The following DLC1 variants were observed in gnomAD, a reference collection of about 807,000 sequenced individuals.
DLC1 encodes the protein DLC1 Rho GTPase activating protein.
A neutral mutation model predicts 140.3 loss-of-function variants in DLC1; 54 were observed. That is an observed-to-expected ratio of 0.38 (90% CI 0.31 to 0.48). DLC1 has a LOEUF of 0.48. Among genes scored for constraint, DLC1 ranks in the 20% least tolerant of loss-of-function variants. The pLI is 0.96. For missense variants in DLC1, 2,536 were observed against 1,907.0 expected (o/e 1.33, Z -6.14); for synonymous variants, 986 against 728.1 (o/e 1.35, Z -5.70).
At chr8:13,364,116 A>T (rs1298292507) in intron 4 of DLC1, among the ~76,000 whole-genome samples, 1 of 152,146 alleles carries the variant, frequency 6.6e-6, no homozygotes, top group Non-Finnish European at 1.5e-5. Context: ...GAAAGAGAGA[A>T]AGGAGTTCAA....
At chr8:13,347,572 T>C (rs1834408840) in intron 4 of DLC1, among the ~76,000 whole-genome samples, 1 of 152,100 alleles carries the variant, frequency 6.6e-6, no homozygotes, top group African/African-American at 2.4e-5. Context: ...TTGAATTAGT[T>C]TGAGGGTTAG....
At chr8:13,152,635 CAATAATAAT>C (rs3065360) in intron 5 of DLC1, among the ~76,000 whole-genome samples, 2 of 150,736 alleles carry the variant, frequency 1.3e-5, no homozygotes, top group African/African-American at 2.4e-5. Flanking sequence ...CCACCTCTAC[CAATAATAAT>C]AATAATAATA....
intron 1 of DLC1, among the ~76,000 whole-genome samples, chr8:13,595,786 A>G (rs1243157279): frequency 1.3e-5 from 2 of 152,082 alleles, no homozygotes; most frequent in Non-Finnish European, 2.9e-5. Context: ...CTTAAAGAAC[A>G]TCTTTAAATA....
At chr8:13,304,007 G>T (rs1378173522) in intron 5 of DLC1, among the ~76,000 whole-genome samples, 2 of 151,966 alleles carry the variant, frequency 1.3e-5, no homozygotes, top group African/African-American at 4.8e-5. Flanking sequence ...TTTCTTCTTG[G>T]GGTGTGAAAA....
intron 5 of DLC1, among the ~76,000 whole-genome samples, chr8:13,279,532 C>T (rs984746195): frequency 1.3e-5 from 2 of 152,156 alleles, no homozygotes; most frequent in Non-Finnish European, 2.9e-5. Flanking sequence ...AGGGGAAGTG[C>T]AGCTAAGCAT....
chr8:13,449,509 G>T (rs967693306), intron 2 of DLC1, among the ~76,000 whole-genome samples: 12 of 152,140 alleles, frequency 7.9e-5, no homozygotes, highest in Admixed American at 6.5e-4. Flanking sequence ...CAGGATTTAG[G>T]AACCTGACAC....
intron 5 of DLC1, among the ~76,000 whole-genome samples, chr8:13,127,004 G>T (rs899821176): frequency 6.6e-6 from 1 of 152,168 alleles, no homozygotes; most frequent in Non-Finnish European, 1.5e-5. Flanking sequence ...AATATGGCAG[G>T]TACTTGTTAG....
chr8:13,570,761 T>C (rs1158050361), intron 1 of DLC1, among the ~76,000 whole-genome samples: 1 of 152,122 alleles, frequency 6.6e-6, no homozygotes, highest in Non-Finnish European at 1.5e-5. Context: ...CGCTTCTTCG[T>C]CGTCTTCATT....
At chr8:13,474,907 C>G (rs1800373395) in intron 2 of DLC1, among the ~76,000 whole-genome samples, 1 of 152,192 alleles carries the variant, frequency 6.6e-6, no homozygotes, top group Non-Finnish European at 1.5e-5. Flanking sequence ...GCAGAAGGCA[C>G]TTGCCTTGTC....
chr8:13,603,795 A>G (rs763503123), intron 1 of DLC1, among the ~76,000 whole-genome samples: 31 of 152,194 alleles, frequency 2.0e-4, no homozygotes, highest in Non-Finnish European at 3.7e-4. Flanking sequence ...TGTTCATTCA[A>G]TTAACTCCCA....
At chr8:13,603,415 T>A (rs1386263285) in intron 1 of DLC1, among the ~76,000 whole-genome samples, 1 of 151,932 alleles carries the variant, frequency 6.6e-6, no homozygotes, top group Non-Finnish European at 1.5e-5. Flanking sequence ...TTTTTAGAAT[T>A]TCCTAGCTGG....
intron 4 of DLC1, among the ~76,000 whole-genome samples, chr8:13,349,433 G>A (rs1295031052): frequency 6.6e-6 from 1 of 152,112 alleles, no homozygotes; most frequent in African/African-American, 2.4e-5. Context: ...GTAAAAAATG[G>A]AAGCAAAGGT....
chr8:13,479,829 GA>G (rs55724442), intron 2 of DLC1, among the ~76,000 whole-genome samples: 5,718 of 31,424 alleles, frequency 0.18, 991 homozygotes, highest in Non-Finnish European at 0.26. Flanking sequence ...AGAAGAAGAA[GA>G]AGAAGAAGAA....
At chr8:13,092,564 G>T in intron 13 of DLC1, 48 bp downstream of exon 13, 1 of 1,576,798 alleles carries the variant, frequency 6.3e-7, no homozygotes, top group Non-Finnish European at 8.6e-7. Context: ...GTCCTAGGAA[G>T]AATGTAGGCT....
At chr8:13,435,706 A>G (rs920293252) in intron 2 of DLC1, among the ~76,000 whole-genome samples, 1 of 152,244 alleles carries the variant, frequency 6.6e-6, no homozygotes, top group African/African-American at 2.4e-5. Flanking sequence ...TAAAATGACA[A>G]CAAAGAACTT....
At chr8:13,187,602 A>C (rs929039589) in intron 5 of DLC1, among the ~76,000 whole-genome samples, 1 of 152,224 alleles carries the variant, frequency 6.6e-6, no homozygotes. Flanking sequence ...ACACTTAGCC[A>C]ATAAAGAAAC....
intron 2 of DLC1, among the ~76,000 whole-genome samples, chr8:13,405,606 A>T (rs2128072): frequency 3.9e-5 from 6 of 152,080 alleles, no homozygotes; most frequent in African/African-American, 1.5e-4. Flanking sequence ...CGAGTTCTAC[A>T]TGTTGGTTTC....
At chr8:13,243,169 A>T (rs1829615378) in intron 5 of DLC1, among the ~76,000 whole-genome samples, 1 of 151,958 alleles carries the variant, frequency 6.6e-6, no homozygotes, top group Non-Finnish European at 1.5e-5. Context: ...ACATGCCTGT[A>T]ATCCCAGCTA....
chr8:13,472,897 C>G (rs62494113), intron 2 of DLC1, among the ~76,000 whole-genome samples: 38,550 of 152,050 alleles, frequency 0.25, 5,905 homozygotes, highest in Middle Eastern at 0.39. Flanking sequence ...ACATTTCACT[C>G]AGCACTACAG....
Sources: gnomAD v4.1 joint callset for allele counts (sites outside exome capture counted in the v4.1 genomes callset) on GRCh38, gnomAD v4.1.1 for gene constraint, MANE v1.5 for transcripts, NCBI Gene and HGNC (gene_info 2026-07-23, HGNC 2026-07-21) for gene names.